The following VEZT variants were observed in gnomAD, a reference collection of about 807,000 sequenced individuals.
The protein encoded by VEZT is vezatin, adherens junctions transmembrane protein.
Under a neutral mutation model 79.9 loss-of-function variants are expected in VEZT, and 39 were observed. That is an observed-to-expected ratio of 0.49 (90% confidence interval 0.38 to 0.64). The LOEUF (loss-of-function observed/expected upper bound fraction) is 0.64, where lower values mean the gene tolerates loss of function less well. Ranked by LOEUF, VEZT falls within the 30% of genes least tolerant of loss-of-function variation. VEZT has a pLI of 0.00. For synonymous variants in VEZT, 325 were observed against 327.6 expected (o/e 0.99, Z 0.09); for missense variants, 837 against 893.1 (o/e 0.94, Z 0.80).
Position 95,264,032 on chromosome 12 carries a change from A to G in VEZT, c.434+951A>G, listed in dbSNP as rs752714671. The stretch of plus-strand genomic sequence containing the variant: ...TAAAGTACTTTATTAAATTTGACAT[A>G]GAAGGGAGGAATGAATCAAGAAGTA... On this transcript the variant is annotated intron_variant, in intron 4 of 11. Coordinates refer to ENST00000436874, the MANE Select transcript of VEZT (RefSeq NM_017599.4). Among the ~76,000 whole-genome samples the G allele has an allele frequency of 3.4e-4, 52 of 152,368 alleles. 1 individual carries two copies. The highest frequency in any genetic ancestry group is 1.2e-3 in the Admixed American group (19 of 15,302).
intron 9 of VEZT, among the ~76,000 whole-genome samples, chr12:95,293,057 G>T (rs2073341879): frequency 6.7e-6 from 1 of 148,996 alleles, no homozygotes; most frequent in Admixed American, 6.7e-5. Flanking sequence ...TCACCATGTT[G>T]GTCAGGCTGG....
intron 1 of VEZT, chr12:95,245,408 C>T: frequency 2.3e-6 from 1 of 430,524 alleles, no homozygotes; most frequent in Non-Finnish European, 4.6e-6. Context: ...TACCAGAGCA[C>T]TCAATATTTC....
At chr12:95,275,117 A>C (rs959052062) in intron 7 of VEZT, among the ~76,000 whole-genome samples, 2 of 152,232 alleles carry the variant, frequency 1.3e-5, no homozygotes, top group Non-Finnish European at 2.9e-5. Flanking sequence ...AAAATGCTTA[A>C]AGAAATGCCT....
intron 1 of VEZT, among the ~76,000 whole-genome samples, chr12:95,247,026 T>C (rs967725068): frequency 4.6e-5 from 7 of 152,142 alleles, no homozygotes; most frequent in South Asian, 2.1e-4. Context: ...CTCTAAAATA[T>C]AGTGGTCAGA....
chr12:95,282,662 A>G lies in VEZT; in HGVS notation c.1328+18A>G, dbSNP rs1001500926. ...CTGAATGAGTAAGTTTAGAAATTATACCAAGAAAGGTCTCGGTAATTAGCA... is the reference window on the plus strand; with the variant it reads ...CTGAATGAGTAAGTTTAGAAATTATGCCAAGAAAGGTCTCGGTAATTAGCA... On this transcript the variant is annotated intron_variant, in intron 8 of 11. Transcript: ENST00000436874. 5.8e-6 allele frequency: 9 copies of G among 1,563,868 alleles called. No homozygotes were observed. The African/African-American group carries it at 9.5e-5, about 17-fold the overall frequency.
At chr12:95,280,524 TACACACACACACAC>T (rs10611290) in intron 7 of VEZT, among the ~76,000 whole-genome samples, 3 of 137,642 alleles carry the variant, frequency 2.2e-5, no homozygotes, top group Non-Finnish European at 4.7e-5. Context: ...TTCATATGTG[TACACACACACACAC>T]ACACACACAC....
intron 7 of VEZT, among the ~76,000 whole-genome samples, chr12:95,276,259 C>CTTTTTTTTTTTTTTTTTTTTTTTTTTT (rs35034660): frequency 2.7e-5 from 2 of 75,156 alleles, no homozygotes; most frequent in African/African-American, 5.6e-5. Flanking sequence ...TAATTTTTTT[C>CTTTTTTTTTTTTTTTTTTTTTTTTTTT]TTTTTTTTTT....
Position 95,300,830 on chromosome 12 carries a change from A to C in VEZT, c.*157A>C, listed in dbSNP as rs4468424. 0.15 allele frequency: 149,774 copies of C among 1,022,126 alleles called. 12,162 individuals carry two copies. Among genetic ancestry groups the C allele is most frequent in the Non-Finnish European group, 0.17 (130,251 of 773,302 alleles). The allele number at this position is 1,022,126 out of a possible 1,614,324, so 63.3% of individuals were successfully genotyped here. ...TGGTTTGAATAACTGATCTGAAATT[A>C]GTAGTTACCTGTAAATGGCAGATCT... On this transcript the variant is annotated 3_prime_UTR_variant, in exon 12 of 12. Transcript: ENST00000436874.
At chr12:95,225,956 A>C (rs2058416012) in intron 1 of VEZT, among the ~76,000 whole-genome samples, 1 of 151,830 alleles carries the variant, frequency 6.6e-6, no homozygotes, top group Admixed American at 6.6e-5. Context: ...TTAGCTGGGC[A>C]TGGTGGCATG....
intron 1 of VEZT, among the ~76,000 whole-genome samples, chr12:95,240,033 G>GA (rs1281984010): frequency 1.1e-5 from 1 of 89,624 alleles, no homozygotes; most frequent in Non-Finnish European, 2.7e-5. Flanking sequence ...AGGAAGGAAG[G>GA]AAGGAAGGAA....
At chr12:95,234,702 T>A (rs1225746049) in intron 1 of VEZT, among the ~76,000 whole-genome samples, 1 of 152,134 alleles carries the variant, frequency 6.6e-6, no homozygotes, top group Admixed American at 6.5e-5. Context: ...TTGATCATTC[T>A]TGGGTGTGAT....
intron 1 of VEZT, among the ~76,000 whole-genome samples, chr12:95,240,021 A>AAGGAAGGAAGGAAGG: frequency 2.5e-5 from 2 of 81,464 alleles, no homozygotes; most frequent in African/African-American, 1.1e-4. Context: ...AGAGAGAAAG[A>AAGGAAGGAAGGAAGG]AAGGAAGGAA....
chr12:95,273,536 A>G (rs1213379143), intron 6 of VEZT, among the ~76,000 whole-genome samples: 1 of 152,190 alleles, frequency 6.6e-6, no homozygotes, highest in Non-Finnish European at 1.5e-5. Context: ...TTAATACCTC[A>G]TGAATTTTGA....
At chr12:95,260,443 A>G (rs1037113889) in intron 3 of VEZT, among the ~76,000 whole-genome samples, 1 of 152,156 alleles carries the variant, frequency 6.6e-6, no homozygotes, top group African/African-American at 2.4e-5. Flanking sequence ...TCCTAATGCT[A>G]TTAATACTTC....
chr12:95,294,127 T>C, intron 9 of VEZT, 145 bp from the exon 10 acceptor site: 1 of 580,042 alleles, frequency 1.7e-6, no homozygotes, highest in South Asian at 2.0e-5. Flanking sequence ...GCTCAAGCGA[T>C]CCTCCTGCCT....
At chr12:95,222,844 A>G (rs746276091) in intron 1 of VEZT, among the ~76,000 whole-genome samples, 6 of 152,202 alleles carry the variant, frequency 3.9e-5, no homozygotes, top group Non-Finnish European at 8.8e-5. Flanking sequence ...GCAACTTCTC[A>G]TCTCGTTCTG....
intron 3 of VEZT, among the ~76,000 whole-genome samples, chr12:95,258,700 A>G (rs1449480542): frequency 6.6e-6 from 1 of 152,148 alleles, no homozygotes; most frequent in Non-Finnish European, 1.5e-5. Flanking sequence ...AAAATCCTTT[A>G]TAGCAACCAT....
chr12:95,256,763 A>G (rs528900381), intron 2 of VEZT: 32 of 386,952 alleles, frequency 8.3e-5, no homozygotes, highest in African/African-American at 5.3e-4. Flanking sequence ...TAACCACCCT[A>G]TGATTTTTCT....
chr12:95,223,868 G>C (rs1035957034), intron 1 of VEZT, among the ~76,000 whole-genome samples: 2 of 151,914 alleles, frequency 1.3e-5, no homozygotes, highest in South Asian at 2.1e-4. Context: ...ATCTATTTGT[G>C]TTTATTTTGC....
Sources: gnomAD v4.1 joint callset for allele counts (sites outside exome capture counted in the v4.1 genomes callset) on GRCh38, gnomAD v4.1.1 for gene constraint, MANE v1.5 for transcripts, NCBI Gene and HGNC (gene_info 2026-07-23, HGNC 2026-07-21) for gene names.